Variants in YTHDC1 observed in about 807,000 individuals in gnomAD.
The protein encoded by YTHDC1 is YTH N6-methyladenosine RNA binding protein C1.
In YTHDC1, 12 loss-of-function variants were observed where a neutral mutation model predicts 107.0. The ratio of observed to expected loss-of-function variants is 0.11; its 90% CI spans 0.07 to 0.18. The LOEUF (loss-of-function observed/expected upper bound fraction) is 0.18. Among genes scored for constraint, YTHDC1 ranks in the 10% least tolerant of loss-of-function variants. The pLI is 1.00. For synonymous variants in YTHDC1, 280 were observed against 289.5 expected (o/e 0.97, Z 0.33); for missense variants, 635 against 898.8 (o/e 0.71, Z 3.75).
chr4:68,337,304 C>G lies in YTHDC1; in HGVS notation c.606G>C (p.Glu202Asp), dbSNP rs549092469. The G allele has an allele frequency of 2.5e-4, 403 of 1,613,842 alleles. 2 individuals are homozygous for G. Among genetic ancestry groups the G allele is most frequent in the Non-Finnish European group, 1.5e-4 (182 of 1,179,916 alleles). ...DEQGNNTENE[E>D]EGVEEDVEED... ...CCTCCACATCTTCTTCCACTCCTTC[C>G]TCCTCATTCTCAGTGTTGTTCCCTT... The change falls in exon 4 of 17, where the codon GAG (glutamate) becomes GAC (aspartate). Residue 202 changes from glutamate (E) to aspartate (D), a missense_variant. Glu to Asp is a conservative substitution (Grantham distance 45). This residue lies in a region of YTHDC1 where 294 missense variants were observed against 312.3 expected (regional missense o/e 0.94). Transcript: ENST00000344157.
rs375710297 is a variant in YTHDC1, at chr4:68,341,574, C to T, written c.29-3190G>A. 2.7e-4 allele frequency among the ~76,000 whole-genome samples: 40 copies of T among 150,708 alleles called. No homozygotes were observed. The South Asian group carries it at 6.9e-3, about 26-fold the overall frequency. ...AAGAATGGTTTTTACGTTTTTAAGG[C>T]GCTTATTAACAAGAAAAAAAAAAAA... On this transcript the variant is annotated intron_variant, in intron 1 of 16. Transcript: ENST00000344157.
intron 9 of YTHDC1, among the ~76,000 whole-genome samples, chr4:68,324,943 GTTCT>G (rs1560480529): frequency 6.6e-6 from 1 of 152,104 alleles, no homozygotes; most frequent in Non-Finnish European, 1.5e-5. Context: ...TATTTTTATA[GTTCT>G]TTGTCAACCT....
intron 1 of YTHDC1, 57 bp from the exon 2 acceptor site, chr4:68,338,441 T>C (rs1724468121): frequency 4.4e-6 from 6 of 1,355,804 alleles, no homozygotes; most frequent in African/African-American, 3.0e-5. Flanking sequence ...ACATGTATTT[T>C]TGAGTACTTA....
At chr4:68,332,012 T>C (rs1026711719) in intron 7 of YTHDC1, 91 bp downstream of exon 7, 1 of 718,978 alleles carries the variant, frequency 1.4e-6, no homozygotes, top group South Asian at 2.9e-5. Flanking sequence ...ATGAAAATCA[T>C]AATACCTATG....
In YTHDC1 at chr4:68,337,124, A is replaced by C. The variant is rs1724254440; in HGVS notation, c.786T>G (p.Asn262Lys). ...QDERDQKEEG[N>K]DYDTRSEASD... is the part of the protein sequence containing the mutation. ...TGGCCTCACTTCGAGTGTCATAATCATTTCCCTCCTCTTTCTGGTCTCTCT... is the reference window on the plus strand; with the variant it reads ...TGGCCTCACTTCGAGTGTCATAATCCTTTCCCTCCTCTTTCTGGTCTCTCT... The change falls in exon 4 of 17, where the codon AAT becomes AAG. Residue 262 changes from asparagine (N) to lysine (K), a missense_variant. Transcript: ENST00000344157. 1 of 1,613,626 alleles carries C rather than the reference A, an allele frequency of 6.2e-7. No homozygotes were observed. The highest frequency in any genetic ancestry group is 1.7e-5 in the Admixed American group (1 of 59,968).
In YTHDC1 at chr4:68,310,503, C is replaced by T. The variant is rs1721224605; in HGVS notation, c.*3596G>A. On this transcript the variant is annotated 3_prime_UTR_variant, in exon 17 of 17. Transcript: ENST00000344157. ...GATTTAGAAACAAGAGAATCCCCAC[C>T]CCAAAAAATTAGAGATTAAATGATC... is the stretch of plus-strand genomic sequence containing the variant. The T allele has an allele frequency of 6.6e-6, 1 of 151,900 alleles. No homozygotes were observed. The highest frequency in any genetic ancestry group is 2.4e-5 in the African/African-American group (1 of 41,338). 9.4% of individuals were successfully genotyped at this position (151,900 alleles called of 1,614,324 possible).
intron 15 of YTHDC1, among the ~76,000 whole-genome samples, chr4:68,316,738 T>A (rs1721900361): frequency 6.6e-6 from 1 of 152,290 alleles, no homozygotes; most frequent in African/African-American, 2.4e-5. Context: ...ACTTTACTAG[T>A]CTCATTTAAT....
chr4:68,316,491 C>A, intron 15 of YTHDC1, 43 bp from the exon 16 acceptor site: 5 of 1,588,326 alleles, frequency 3.1e-6, no homozygotes, highest in Non-Finnish European at 4.3e-6. Flanking sequence ...TACCAACACC[C>A]TTGTAAACAA....
intron 10 of YTHDC1, among the ~76,000 whole-genome samples, chr4:68,323,753 A>G (rs541834869): frequency 2.0e-5 from 3 of 152,374 alleles, no homozygotes; most frequent in Non-Finnish European, 4.4e-5. Context: ...CTGAGTACAT[A>G]TATTTAATCT....
chr4:68,331,818 A>C (rs1723612391), intron 7 of YTHDC1, among the ~76,000 whole-genome samples: 1 of 152,078 alleles, frequency 6.6e-6, no homozygotes, highest in Admixed American at 6.6e-5. Flanking sequence ...GAAGTACAGA[A>C]ACAAAAATCA....
chr4:68,349,118 C>G (rs1403287252), intron 1 of YTHDC1, among the ~76,000 whole-genome samples: 1 of 152,152 alleles, frequency 6.6e-6, no homozygotes, highest in African/African-American at 2.4e-5. Flanking sequence ...TCTTTGCCAG[C>G]CTAAGTCACA....
chr4:68,318,670 A>T lies in YTHDC1; in HGVS notation c.1761+20T>A. The T allele has an allele frequency of 6.2e-7, 1 of 1,612,088 alleles. No homozygotes were observed. The highest frequency in any genetic ancestry group is 8.5e-7 in the Non-Finnish European group (1 of 1,178,144). On this transcript the variant is annotated intron_variant, in intron 14 of 16. Coordinates refer to ENST00000344157, the MANE Select transcript of YTHDC1 (RefSeq NM_001031732.4). Reference sequence around the variant, plus strand: ...GAGCCTGATTTTATCCACATTAAATAGATAAAATGAAATGCTTACCCCATT... The same window carrying T: ...GAGCCTGATTTTATCCACATTAAATTGATAAAATGAAATGCTTACCCCATT...
In YTHDC1 at chr4:68,311,171, C is replaced by T. The variant is rs1406356874; in HGVS notation, c.*2928G>A. 1 of 152,138 alleles carries T rather than the reference C, an allele frequency of 6.6e-6. No homozygotes were observed. The highest frequency in any genetic ancestry group is 1.5e-5 in the Non-Finnish European group (1 of 68,018). The allele number at this position is 152,138 out of a possible 1,614,324, so 9.4% of individuals were successfully genotyped here. On this transcript the variant is annotated 3_prime_UTR_variant, in exon 17 of 17. Transcript: ENST00000344157. ...ACGGCTGGCTCCAAAACCAACATGG[C>T]TATTCAGTCCTTTTGGGGAACTGAC...
Position 68,337,204 on chromosome 4 carries a change from C to G in YTHDC1, c.706G>C (p.Glu236Gln). 1 of 1,603,044 alleles carries G rather than the reference C, an allele frequency of 6.2e-7. No individual in the cohort carries two copies. The highest frequency in any genetic ancestry group is 1.7e-4 in the Middle Eastern group (1 of 6,044). Residue 236 changes from glutamate to glutamine, a missense_variant, in exon 4 of 17, where the codon GAG becomes CAG. Transcript: ENST00000344157. ...TCCTCCTCCTCCTCTTCCTCCTCCTCCTCTTCCTCCTCCTCCTCTCCATCT... is the reference window on the plus strand; with the variant it reads ...TCCTCCTCCTCCTCTTCCTCCTCCTGCTCTTCCTCCTCCTCCTCTCCATCT... ...DEDGEEEEEE[E>Q]EEEEEEEEEE...
At chr4:68,346,084 T>TATATATATATATATATATATATATAC (rs1725395076) in intron 1 of YTHDC1, among the ~76,000 whole-genome samples, 1 of 130,226 alleles carries the variant, frequency 7.7e-6, no homozygotes, top group Non-Finnish European at 1.6e-5. Context: ...TGTACATATA[T>TATATATATATATATATATATATATAC]ATATATATAT....
At chr4:68,326,717 T>G (rs538376645) in intron 9 of YTHDC1, among the ~76,000 whole-genome samples, 2 of 151,724 alleles carry the variant, frequency 1.3e-5, no homozygotes, top group Non-Finnish European at 2.9e-5. Flanking sequence ...CAGCCTCCCA[T>G]GTAGCTGGGA....
intron 1 of YTHDC1, 51 bp downstream of exon 1, chr4:68,349,675 C>G (rs761012568): frequency 3.7e-6 from 5 of 1,353,952 alleles, no homozygotes; most frequent in Admixed American, 1.9e-5. Context: ...TCCATCACCC[C>G]ACTCCCGGGC....
In YTHDC1 at chr4:68,337,583, C is replaced by A. The variant is rs186920853; in HGVS notation, c.448G>T (p.Asp150Tyr). Residue 150 changes from aspartate (D) to tyrosine (Y), a missense_variant, in exon 3 of 17, where the codon GAT becomes TAT. By Grantham distance (160) the Asp-to-Tyr change is radical. This residue lies in a region of YTHDC1 where 294 missense variants were observed against 312.3 expected (regional missense o/e 0.94). Transcript: ENST00000344157. ...ATAATATTTACTACCTCAGAACCAT[C>A]TGGCGTAGGAGATTTGGCCCTCCTT... ...PERRAKSPTP[D>Y]GSERIGLEVD... The A allele has an allele frequency of 5.0e-6, 8 of 1,607,306 alleles. No homozygotes were observed. The highest frequency in any genetic ancestry group is 6.8e-6 in the Non-Finnish European group (8 of 1,178,182).
In YTHDC1 at chr4:68,322,816, T is replaced by C; in HGVS notation, c.1534A>G (p.Arg512Gly). The change falls in exon 11 of 17, where the codon AGA (arginine) becomes GGA (glycine). Residue 512 changes from arginine (R) to glycine (G), a missense_variant. Transcript: ENST00000344157. This position sits in a 1 kb window ranked among gnomAD's most constrained non-coding sequence, Gnocchi z 4.8. ...CGTGATCGGGGCTGAGAATGCATTC[T>C]TCTCTTGTGACGCATTTTATGAATG... is the stretch of plus-strand genomic sequence containing the variant. ...QVIHKMRHKR[R>G]MHSQPRSRGR... The C allele has an allele frequency of 6.2e-7, 1 of 1,614,234 alleles. No homozygotes were observed. The highest frequency in any genetic ancestry group is 8.5e-7 in the Non-Finnish European group (1 of 1,180,040).
Sources: allele counts gnomAD v4.1 joint callset (sites outside exome capture counted in the v4.1 genomes callset), GRCh38; gene constraint gnomAD v4.1.1; regional missense constraint gnomAD v4.1.1; non-coding constraint Gnocchi (gnomAD v3.1); transcripts MANE v1.5; gene names NCBI Gene and HGNC (gene_info 2026-07-23, HGNC 2026-07-21).